KCNQ1: variants seen among roughly 807,000 people sequenced by gnomAD.
KCNQ1 encodes the protein potassium voltage-gated channel subfamily Q member 1.
A neutral mutation model predicts 72.4 loss-of-function variants in KCNQ1; 49 were observed. The observed-to-expected ratio is 0.68, with a 90% confidence interval of 0.54 to 0.86. KCNQ1 has a LOEUF of 0.86. Ranked by LOEUF, KCNQ1 falls within the 40% of genes least tolerant of loss-of-function variation. The pLI is 0.00. For synonymous variants in KCNQ1, 450 were observed against 412.6 expected (o/e 1.09, Z -1.10); for missense variants, 790 against 945.1 (o/e 0.84, Z 2.15).
chr11:2,551,127 G>C (rs546871044), intron 2 of KCNQ1, among the ~76,000 whole-genome samples: 4 of 152,256 alleles, frequency 2.6e-5, no homozygotes, highest in African/African-American at 9.6e-5. Flanking sequence ...CGAGGTTTAA[G>C]TTACATACAG....
chr11:2,795,389 C>T (rs1564895913), intron 15 of KCNQ1, among the ~76,000 whole-genome samples: 1 of 152,254 alleles, frequency 6.6e-6, no homozygotes, highest in Non-Finnish European at 1.5e-5. Context: ...TTCTCTCTTT[C>T]CCTAAAGGTG....
At chr11:2,542,993 C>T (rs909343667) in intron 2 of KCNQ1, among the ~76,000 whole-genome samples, 6 of 152,004 alleles carry the variant, frequency 3.9e-5, no homozygotes, top group Non-Finnish European at 5.9e-5. Context: ...TGACGTGGTC[C>T]GTCATTTTCA....
Position 2,463,422 on chromosome 11 carries a change from C to A in KCNQ1, c.386+17938C>A, listed in dbSNP as rs901694526. 6.6e-6 allele frequency among the ~76,000 whole-genome samples: 1 copy of A among 152,184 alleles called. No individual in the cohort carries two copies. Among genetic ancestry groups the A allele is most frequent in the African/African-American group, 2.4e-5 (1 of 41,438 alleles). On this transcript the variant is annotated intron_variant, in intron 1 of 15. Transcript: ENST00000155840. The surrounding 1 kb of genome is among the most constrained non-coding windows in gnomAD (Gnocchi z 7.0). ...GCACGGAGGCGCAGCACCCACAGGACAAGTGGTGGAATGTTCTGGTTGTCC... is the reference window on the plus strand; with the variant it reads ...GCACGGAGGCGCAGCACCCACAGGAAAAGTGGTGGAATGTTCTGGTTGTCC...
chr11:2,462,808 TAGACCC>T lies in KCNQ1; in HGVS notation c.386+17325_386+17330del, dbSNP rs1393845656. 6.6e-6 allele frequency among the ~76,000 whole-genome samples: 1 copy of T among 152,090 alleles called. No homozygotes were observed. The highest frequency in any genetic ancestry group is 1.5e-5 in the Non-Finnish European group (1 of 68,000). ...GCCTGGAGGTTTGAGGAGCAGAAAG[TAGACCC>T]TTGACCCTCCCTGGGCTGGTGAGTC... On this transcript the variant is annotated intron_variant, in intron 1 of 15. Transcript: ENST00000155840. The surrounding 1 kb of genome is among the most constrained non-coding windows in gnomAD (Gnocchi z 8.2).
intron 10 of KCNQ1, among the ~76,000 whole-genome samples, chr11:2,604,499 A>G (rs1284419142): frequency 6.6e-6 from 1 of 151,940 alleles, no homozygotes; most frequent in African/African-American, 2.4e-5. Context: ...GAAAGGAAGA[A>G]AAGAAAGAGA....
intron 1 of KCNQ1, among the ~76,000 whole-genome samples, chr11:2,504,817 G>C (rs548425162): frequency 2.6e-5 from 4 of 152,100 alleles, no homozygotes; most frequent in Non-Finnish European, 5.9e-5. Context: ...AAATGTTTGA[G>C]GTAGTAGATA....
In KCNQ1 at chr11:2,536,708, G is replaced by A. The variant is rs890088083; in HGVS notation, c.477+8690G>A. On this transcript the variant is annotated intron_variant, in intron 2 of 15. Coordinates refer to ENST00000155840, the MANE Select transcript of KCNQ1 (RefSeq NM_000218.3). This position sits in a 1 kb window ranked among gnomAD's most constrained non-coding sequence, Gnocchi z 7.4. ...TCCCTCCCAGCCTGCCAGAGGGACC[G>A]CTGGGCCTATCTCCAGCCACGTGGG... is the stretch of plus-strand genomic sequence containing the variant. 2.7e-5 allele frequency among the ~76,000 whole-genome samples: 4 copies of A among 150,858 alleles called. No homozygotes were observed. Among genetic ancestry groups the A allele is most frequent in the Admixed American group, 1.3e-4 (2 of 15,244 alleles).
rs1846048205 is a variant in KCNQ1, at chr11:2,446,984, AC to A, written c.386+1504del. Among the ~76,000 whole-genome samples the A allele has an allele frequency of 6.6e-6, 1 of 151,972 alleles. No homozygotes were observed. Among genetic ancestry groups the A allele is most frequent in the African/African-American group, 2.4e-5 (1 of 41,344 alleles). ...GTGCTGGTGGCCACCTGCCTCCCGG[AC>A]CCCAGACTCTCTGAGATGTCCAAGG... On this transcript the variant is annotated intron_variant, in intron 1 of 15. Transcript: ENST00000155840. The surrounding 1 kb of genome is among the most constrained non-coding windows in gnomAD (Gnocchi z 8.8).
intron 10 of KCNQ1, chr11:2,615,401 A>AT (rs1849044198): frequency 2.5e-6 from 1 of 397,844 alleles, no homozygotes; most frequent in South Asian, 1.3e-4. Flanking sequence ...TTGTTTATTT[A>AT]TCTGCCTAAT....
rs1848237559 is a variant in KCNQ1 at position 2,565,717 on chromosome 11, G to A, written c.478-4911G>A. The stretch of plus-strand genomic sequence containing the variant: ...AGAAAAGCATACAGTCGAACGAGTG[G>A]GTCCGATGTGGAGTGCAGTGGCATC... On this transcript the variant is annotated intron_variant, in intron 2 of 15. Coordinates refer to ENST00000155840, the MANE Select transcript of KCNQ1 (RefSeq NM_000218.3). The surrounding 1 kb of genome is among the most constrained non-coding windows in gnomAD (Gnocchi z 5.6). Among the ~76,000 whole-genome samples, 1 of 152,176 alleles carries A rather than the reference G, an allele frequency of 6.6e-6. No homozygotes were observed. Among genetic ancestry groups the A allele is most frequent in the Non-Finnish European group, 1.5e-5 (1 of 68,012 alleles).
chr11:2,633,409 C>A (rs1342269058), intron 10 of KCNQ1: 1 of 398,244 alleles, frequency 2.5e-6, no homozygotes, highest in East Asian at 3.6e-5. Flanking sequence ...GTTTTTGTTG[C>A]CTGTGCTTAT....
In KCNQ1 at chr11:2,593,613, C is replaced by T. The variant is rs1002195185; in HGVS notation, c.1393+4759C>T. 2.0e-5 allele frequency among the ~76,000 whole-genome samples: 3 copies of T among 152,142 alleles called. No homozygotes were observed. Among genetic ancestry groups the T allele is most frequent in the Admixed American group, 6.5e-5 (1 of 15,278 alleles). On this transcript the variant is annotated intron_variant, in intron 10 of 15. Coordinates refer to ENST00000155840, the MANE Select transcript of KCNQ1 (RefSeq NM_000218.3). This position sits in a 1 kb window ranked among gnomAD's most constrained non-coding sequence, Gnocchi z 6.9. ...GTGCTGGAGGAGCATGCATCACATA[C>T]CCAGAGGTCCCCAGTGTGGTCTGGG...
At chr11:2,688,014 C>T (rs902816578) in intron 11 of KCNQ1, 11 of 398,712 alleles carry the variant, frequency 2.8e-5, no homozygotes, top group African/African-American at 2.1e-4. Flanking sequence ...GGGTCAGCAC[C>T]CCTCTAGGCT....
At chr11:2,786,843 A>G (rs918858743) in intron 15 of KCNQ1, among the ~76,000 whole-genome samples, 2 of 151,618 alleles carry the variant, frequency 1.3e-5, no homozygotes, top group East Asian at 3.9e-4. Context: ...TGGCTATTCT[A>G]TATTGAGCTT....
intron 11 of KCNQ1, among the ~76,000 whole-genome samples, chr11:2,709,421 G>GT (rs56962600): frequency 1.0e-3 from 153 of 150,388 alleles, no homozygotes; most frequent in Middle Eastern, 3.4e-3. Context: ...CTGCAGGGCT[G>GT]TTTTTTTTTT....
At chr11:2,615,033 G>T in intron 10 of KCNQ1, 1 of 398,358 alleles carries the variant, frequency 2.5e-6, no homozygotes, top group Non-Finnish European at 4.4e-6. Flanking sequence ...AACACAGGAT[G>T]TATAGTTCTA....
rs1459242215 is a variant in KCNQ1 at position 2,725,575 on chromosome 11, C to G, written c.1515-43269C>G. ...GAAGTCGCCAAGTTCAAAGGGCTGCCCCTGGAACCCAAGTCAGACTTGCCC... is the reference window on the plus strand; with the variant it reads ...GAAGTCGCCAAGTTCAAAGGGCTGCGCCTGGAACCCAAGTCAGACTTGCCC... On this transcript the variant is annotated intron_variant, in intron 11 of 15. Coordinates refer to ENST00000155840, the MANE Select transcript of KCNQ1 (RefSeq NM_000218.3). This position sits in a 1 kb window ranked among gnomAD's most constrained non-coding sequence, Gnocchi z 7.2. Among the ~76,000 whole-genome samples, 1 of 152,152 alleles carries G rather than the reference C, an allele frequency of 6.6e-6. No individual in the cohort carries two copies. The highest frequency in any genetic ancestry group is 1.9e-4 in the East Asian group (1 of 5,200).
At chr11:2,582,805 G>T (rs763838353) in intron 6 of KCNQ1, among the ~76,000 whole-genome samples, 29 of 152,144 alleles carry the variant, frequency 1.9e-4, no homozygotes, top group Non-Finnish European at 3.4e-4. Context: ...ACATTTCCAG[G>T]CTCAGACTGG....
intron 1 of KCNQ1, among the ~76,000 whole-genome samples, chr11:2,448,108 C>G (rs1179895140): frequency 6.6e-6 from 1 of 152,254 alleles, no homozygotes; most frequent in African/African-American, 2.4e-5. Flanking sequence ...GGGGTCCATA[C>G]AGCCCTGCTG....
Sources: allele counts gnomAD v4.1 joint callset (sites outside exome capture counted in the v4.1 genomes callset), GRCh38; gene constraint gnomAD v4.1.1; non-coding constraint Gnocchi (gnomAD v3.1); transcripts MANE v1.5; gene names NCBI Gene and HGNC (gene_info 2026-07-23, HGNC 2026-07-21).